DEPDC5: variants seen among roughly 807,000 people sequenced by gnomAD.
DEPDC5 encodes the protein GATOR1 complex protein DEPDC5.
Under a neutral mutation model 217.3 loss-of-function variants are expected in DEPDC5, and 73 were observed. The ratio of observed to expected loss-of-function variants is 0.34; its 90% CI spans 0.28 to 0.41. The LOEUF is 0.41. DEPDC5 is among the 10% of genes least tolerant of loss of function. The probability of loss-of-function intolerance (pLI) is 1.00; values close to 1 mark genes in which losing one functional copy is unlikely to be tolerated. For synonymous variants in DEPDC5, 733 were observed against 756.7 expected, an observed-to-expected ratio of 0.97 and a Z score of 0.51; for missense variants, 1,675 against 2,070.1, an observed-to-expected ratio of 0.81 and a Z score of 3.70.
chr22:31,846,591 C>T (rs2091752331), intron 30 of DEPDC5, among the ~76,000 whole-genome samples: 2 of 152,190 alleles, frequency 1.3e-5, no homozygotes, highest in Non-Finnish European at 2.9e-5. Context: ...TTATTTACAT[C>T]ATAGATCTGT....
At chr22:31,905,952 G>T in intron 41 of DEPDC5, 32 bp from the exon 42 acceptor site, 1 of 1,594,366 alleles carries the variant, frequency 6.3e-7, no homozygotes, top group Non-Finnish European at 8.6e-7. Flanking sequence ...CTAAGGAGGC[G>T]CTGATTAGCA....
intron 33 of DEPDC5, among the ~76,000 whole-genome samples, chr22:31,867,393 CCT>C (rs1280382766): frequency 2.0e-5 from 3 of 152,190 alleles, no homozygotes; most frequent in African/African-American, 7.2e-5. Context: ...AAGTGGGAAA[CCT>C]CTGTTCCAAG....
In DEPDC5 at chr22:31,814,678, C is replaced by A; in HGVS notation, c.1446-314C>A. 3 of 350,962 alleles carry A rather than the reference C, an allele frequency of 8.5e-6. No individual in the cohort carries two copies. In the South Asian group the frequency reaches 1.0e-4, roughly 12 times the overall value. 21.7% of individuals were successfully genotyped at this position (350,962 alleles called of 1,614,324 possible). A position where few individuals can be genotyped will look rare whatever the true frequency, so the allele number is the denominator to read the frequency against. ...CTTTCTCCCACATCACATCATACCT[C>A]TCTTCTCATTCTGTTTTTAGTGATG... On this transcript the variant is annotated intron_variant, in intron 20 of 42. Transcript: ENST00000651528.
chr22:31,838,677 GT>G lies in DEPDC5; in HGVS notation c.2355-4del, dbSNP rs762057832. 2.5e-6 allele frequency: 4 copies of G among 1,613,626 alleles called. No homozygotes were observed. Among genetic ancestry groups the G allele is most frequent in the Non-Finnish European group, 3.4e-6 (4 of 1,179,698 alleles). ...GCATCTGTATGAGCAATCATCTGTTGTTTTCAGGAGGGACGAAGATGGTGTG... is the reference window on the plus strand; with the variant it reads ...GCATCTGTATGAGCAATCATCTGTTGTTTCAGGAGGGACGAAGATGGTGTG... On this transcript the variant is annotated splice_polypyrimidine_tract_variant and splice_region_variant and intron_variant, in intron 26 of 42. Coordinates refer to ENST00000651528, the MANE Select transcript of DEPDC5 (RefSeq NM_001242896.3).
chr22:31,766,028 A>G (rs1019316120), intron 5 of DEPDC5, among the ~76,000 whole-genome samples: 2 of 152,210 alleles, frequency 1.3e-5, no homozygotes, highest in African/African-American at 4.8e-5. Context: ...CTGTCTCAAA[A>G]AATAATAATA....
At chr22:31,872,021 A>G (rs2092858607) in intron 34 of DEPDC5, among the ~76,000 whole-genome samples, 2 of 152,206 alleles carry the variant, frequency 1.3e-5, no homozygotes, top group Admixed American at 1.3e-4. Context: ...GAAATTCTGA[A>G]ACACTTCCAG....
Position 31,806,103 on chromosome 22 carries a change from CTG to C in DEPDC5, c.1218-17_1218-16del, listed in dbSNP as rs1568962453. ...ATAAAGGGAATTTAGATTAATGACT[CTG>C]TTTGTTTCTTTTACAGTTTCTACAC... On this transcript the variant is annotated splice_polypyrimidine_tract_variant and intron_variant, in intron 17 of 42. Transcript: ENST00000651528. The C allele has an allele frequency of 3.1e-6, 5 of 1,602,688 alleles. No individual in the cohort carries two copies. The highest frequency in any genetic ancestry group is 1.7e-5 in the Admixed American group (1 of 58,822).
Position 31,892,512 on chromosome 22 carries a change from C to T in DEPDC5, c.4034-1070C>T, listed in dbSNP as rs1302264441. On this transcript the variant is annotated intron_variant, in intron 38 of 42. Transcript: ENST00000651528. ...CAGCCTGGCCAACATGGCAAAACCC[C>T]GTCTCTACTAAAAATACAAAAATTA... 3.3e-5 allele frequency among the ~76,000 whole-genome samples: 5 copies of T among 152,174 alleles called. No individual in the cohort carries two copies. In the South Asian group the frequency reaches 6.2e-4, roughly 19 times the overall value.
At chr22:31,815,873 T>A in intron 21 of DEPDC5, 1 of 1,091,296 alleles carries the variant, frequency 9.2e-7, no homozygotes. Flanking sequence ...TCTTCATCCA[T>A]CATTTAACTG....
intron 40 of DEPDC5, among the ~76,000 whole-genome samples, chr22:31,898,900 A>G (rs2093601335): frequency 6.6e-6 from 1 of 152,344 alleles, no homozygotes; most frequent in East Asian, 1.9e-4. Flanking sequence ...CCTCACAGTG[A>G]TGTGGCTGAG....
chr22:31,837,274 C>A lies in DEPDC5; in HGVS notation c.2354+119C>A, dbSNP rs1370595536. On this transcript the variant is annotated intron_variant, in intron 26 of 42. Transcript: ENST00000651528. Reference sequence around the variant, plus strand: ...AGCAACACATATATTAAAATTGGAACGATATAGAGGAGATTAGCATGGCCG... The same window carrying A: ...AGCAACACATATATTAAAATTGGAAAGATATAGAGGAGATTAGCATGGCCG... 5 of 1,051,596 alleles carry A rather than the reference C, an allele frequency of 4.8e-6. No homozygotes were observed. The African/African-American group carries it at 6.5e-5, about 14-fold the overall frequency. The allele number at this position is 1,051,596 out of a possible 1,614,324, so 65.1% of individuals were successfully genotyped here. A position where few individuals can be genotyped will look rare whatever the true frequency, so the allele number is the denominator to read the frequency against.
At chr22:31,769,062 C>T in intron 7 of DEPDC5, 199 bp downstream of exon 7, 1 of 491,176 alleles carries the variant, frequency 2.0e-6, no homozygotes, top group Non-Finnish European at 3.6e-6. Flanking sequence ...AGATCAGGAC[C>T]ATACTGGCTA....
At chr22:31,893,904 A>G (rs770544299) in intron 39 of DEPDC5, 153 bp downstream of exon 39, 56 of 924,944 alleles carry the variant, frequency 6.1e-5, no homozygotes, top group Non-Finnish European at 7.9e-5. Context: ...AAAAATTTAA[A>G]CATAGTAAAA....
At chr22:31,879,043 A>AAAAC (rs763615141) in intron 37 of DEPDC5, among the ~76,000 whole-genome samples, 1 of 119,476 alleles carries the variant, frequency 8.4e-6, no homozygotes, top group Non-Finnish European at 1.7e-5. Context: ...AAAAAAAAAA[A>AAAAC]ATATATATAT....
At chr22:31,820,341 A>G (rs1289082824) in intron 22 of DEPDC5, among the ~76,000 whole-genome samples, 1 of 152,096 alleles carries the variant, frequency 6.6e-6, no homozygotes, top group African/African-American at 2.4e-5. Flanking sequence ...CAAACTCCTG[A>G]TCTCAAGCAG....
At chr22:31,800,286 C>T (rs1186345024) in intron 14 of DEPDC5, among the ~76,000 whole-genome samples, 1 of 152,160 alleles carries the variant, frequency 6.6e-6, no homozygotes, top group African/African-American at 2.4e-5. Context: ...GTGTGAGCCT[C>T]ATTTTACCCA....
Position 31,881,084 on chromosome 22 carries a change from G to C in DEPDC5, c.4033+1332G>C, listed in dbSNP as rs186720671. Among the ~76,000 whole-genome samples, 37 of 152,148 alleles carry C rather than the reference G, an allele frequency of 2.4e-4. No homozygotes were observed. The East Asian group carries it at 6.8e-3, about 28-fold the overall frequency. ...CCAGCACTTTGGGAGGCTGAGGTGG[G>C]TGGATCACCTGAGGTCAAGAGTTTG... On this transcript the variant is annotated intron_variant, in intron 38 of 42. Transcript: ENST00000651528.
intron 38 of DEPDC5, among the ~76,000 whole-genome samples, chr22:31,889,541 C>CTTT (rs136874): frequency 1.7e-3 from 169 of 99,360 alleles, no homozygotes; most frequent in African/African-American, 3.9e-3. Flanking sequence ...GGCAAAACTT[C>CTTT]TTTTTTTTTT....
chr22:31,854,958 GTTT>G (rs200660036), intron 31 of DEPDC5, among the ~76,000 whole-genome samples: 1 of 140,170 alleles, frequency 7.1e-6, no homozygotes, highest in Admixed American at 7.2e-5. Flanking sequence ...AGTCTTGCTG[GTTT>G]TTTTTTTTTT....
Sources: allele counts gnomAD v4.1 joint callset (sites outside exome capture counted in the v4.1 genomes callset), GRCh38; gene constraint gnomAD v4.1.1; transcripts MANE v1.5; gene names NCBI Gene and HGNC (gene_info 2026-07-23, HGNC 2026-07-21).